Variants in ANXA4 observed in about 807,000 individuals in gnomAD.
The protein encoded by ANXA4 is annexin A4, also known as 35-beta calcimedin.
A neutral mutation model predicts 49.8 loss-of-function variants in ANXA4; 39 were observed. That is an observed-to-expected ratio of 0.78 (90% CI 0.61 to 1.02). The LOEUF is 1.02. ANXA4 is among the 50% of genes least tolerant of loss of function. The pLI, the probability that ANXA4 is intolerant of heterozygous loss-of-function variation, is 0.00. For synonymous variants in ANXA4, 134 were observed against 152.5 expected (o/e 0.88, Z 0.89); for missense variants, 360 against 410.1 (o/e 0.88, Z 1.05).
chr2:69,774,021 C>A (rs1023110157), intron 1 of ANXA4, among the ~76,000 whole-genome samples: 2 of 152,044 alleles, frequency 1.3e-5, no homozygotes, highest in East Asian at 1.9e-4. Context: ...CAGGGTTTCA[C>A]CGTGTTGGCC....
intron 2 of ANXA4, among the ~76,000 whole-genome samples, chr2:69,709,922 C>G (rs191480503): frequency 2.0e-4 from 30 of 151,862 alleles, no homozygotes; most frequent in Admixed American, 1.0e-3. Flanking sequence ...AACTTAAACA[C>G]CAGCCATAAT....
chr2:69,760,868 T>C (rs1208883846), intron 1 of ANXA4, among the ~76,000 whole-genome samples: 1 of 152,068 alleles, frequency 6.6e-6, no homozygotes, highest in East Asian at 1.9e-4. Flanking sequence ...TGCTATGCAG[T>C]AGAAATACAA....
chr2:69,755,202 G>A (rs1670992837), intron 1 of ANXA4, among the ~76,000 whole-genome samples: 1 of 152,230 alleles, frequency 6.6e-6, no homozygotes, highest in Non-Finnish European at 1.5e-5. Context: ...GGGAAATGGG[G>A]AGTTACTGTT....
chr2:69,756,227 A>G (rs1418124432), intron 1 of ANXA4, among the ~76,000 whole-genome samples: 1 of 152,222 alleles, frequency 6.6e-6, no homozygotes, highest in African/African-American at 2.4e-5. Flanking sequence ...CTACCAGCCC[A>G]GCTTTCTTTA....
intron 1 of ANXA4, among the ~76,000 whole-genome samples, chr2:69,754,233 C>T (rs1670962231): frequency 1.3e-5 from 2 of 152,076 alleles, no homozygotes; most frequent in Non-Finnish European, 2.9e-5. Context: ...ATAACTTATC[C>T]CCGTTCCCAT....
intron 3 of ANXA4, among the ~76,000 whole-genome samples, chr2:69,729,733 C>T (rs567443504): frequency 8.6e-5 from 13 of 152,036 alleles, no homozygotes; most frequent in South Asian, 4.1e-4. Flanking sequence ...ATATTTCACA[C>T]GAAGTGATTT....
At chr2:69,757,515 C>T (rs1482855390) in intron 1 of ANXA4, among the ~76,000 whole-genome samples, 7 of 145,144 alleles carry the variant, frequency 4.8e-5, no homozygotes, top group East Asian at 2.0e-4. Context: ...CCTCGTCATC[C>T]GCCTGCCTCG....
chr2:69,771,940 T>C (rs1200421470), intron 1 of ANXA4, among the ~76,000 whole-genome samples: 1 of 152,226 alleles, frequency 6.6e-6, no homozygotes, highest in Non-Finnish European at 1.5e-5. Context: ...TTCCCAACTA[T>C]CTTTCAGTTG....
At chr2:69,700,740 G>A (rs1678304623) in intron 2 of ANXA4, among the ~76,000 whole-genome samples, 1 of 152,158 alleles carries the variant, frequency 6.6e-6, no homozygotes, top group South Asian at 2.1e-4. Flanking sequence ...CCATTGTTGG[G>A]CATTTAAGCT....
chr2:69,757,266 ATTTTTTTT>A lies in ANXA4; in HGVS notation c.-47+15107_-47+15114del, dbSNP rs1177266386. Among the ~76,000 whole-genome samples, 77 of 27,622 alleles carry A rather than the reference ATTTTTTTT, an allele frequency of 2.8e-3. No individual in the cohort carries two copies. In the East Asian group the frequency reaches 0.039, roughly 14 times the overall value. 18.1% of individuals were successfully genotyped at this position (27,622 alleles called of 152,430 possible). On this transcript the variant is annotated intron_variant, in intron 1 of 12. Coordinates refer to ENST00000394295, the MANE Select transcript of ANXA4 (RefSeq NM_001153.5). ...TATATATATATATATATATATATAT[ATTTTTTTT>A]TTTTTTTTTTTTTTTAGGTGGAGTC...
intron 2 of ANXA4, among the ~76,000 whole-genome samples, chr2:69,709,964 C>T (rs1678623368): frequency 6.7e-6 from 1 of 149,678 alleles, no homozygotes; most frequent in African/African-American, 2.5e-5. Context: ...CTTATTATGG[C>T]AGCATGCACT....
At chr2:69,718,651 A>G (rs2105421676) in intron 2 of ANXA4, among the ~76,000 whole-genome samples, 1 of 152,350 alleles carries the variant, frequency 6.6e-6, no homozygotes, top group Middle Eastern at 3.4e-3. Context: ...TATCCACAGC[A>G]CACACATGCA....
chr2:69,822,809 T>C (rs989962614), intron 12 of ANXA4, among the ~76,000 whole-genome samples: 1 of 151,882 alleles, frequency 6.6e-6, no homozygotes, highest in Non-Finnish European at 1.5e-5. Context: ...GAGTTTCTGT[T>C]TGGGGTGATG....
intron 3 of ANXA4, among the ~76,000 whole-genome samples, chr2:69,731,479 T>G (rs562030371): frequency 1.8e-4 from 27 of 152,316 alleles, no homozygotes; most frequent in African/African-American, 6.3e-4. Flanking sequence ...CCAACTTAAC[T>G]GCAGTCACTT....
At chr2:69,786,300 CAT>C (rs1405671554) in intron 2 of ANXA4, among the ~76,000 whole-genome samples, 1 of 152,218 alleles carries the variant, frequency 6.6e-6, no homozygotes, top group Non-Finnish European at 1.5e-5. Flanking sequence ...TGCTCCAAAA[CAT>C]GTGCTGAGCT....
At chr2:69,651,617 C>T (rs940088047) in intron 1 of ANXA4, among the ~76,000 whole-genome samples, 14 of 151,040 alleles carry the variant, frequency 9.3e-5, no homozygotes, top group Admixed American at 6.6e-5. Context: ...ATTCTCCTGC[C>T]TCGGCCTCCG....
At chr2:69,684,426 A>G (rs1334332041) in intron 2 of ANXA4, among the ~76,000 whole-genome samples, 3 of 152,202 alleles carry the variant, frequency 2.0e-5, no homozygotes, top group African/African-American at 7.2e-5. Flanking sequence ...CAGTCTTTGT[A>G]GTAAAGTTTG....
chr2:69,692,129 C>T (rs1677996353), intron 2 of ANXA4, among the ~76,000 whole-genome samples: 1 of 152,214 alleles, frequency 6.6e-6, no homozygotes, highest in Non-Finnish European at 1.5e-5. Context: ...AGGTGATCCA[C>T]CCACCTCGGC....
At chr2:69,662,094 A>G (rs1403297743) in intron 2 of ANXA4, among the ~76,000 whole-genome samples, 1 of 152,202 alleles carries the variant, frequency 6.6e-6, no homozygotes, top group East Asian at 1.9e-4. Context: ...CCCACCTGGC[A>G]TCAAGAAAGG....
Sources: gnomAD v4.1 joint callset for allele counts (sites outside exome capture counted in the v4.1 genomes callset) on GRCh38, gnomAD v4.1.1 for gene constraint, MANE v1.5 for transcripts, NCBI Gene and HGNC (gene_info 2026-07-23, HGNC 2026-07-21) for gene names.